Variants in ERAP1 observed in about 807,000 individuals in gnomAD.
ERAP1 encodes the protein endoplasmic reticulum aminopeptidase 1.
Under a neutral mutation model 103.7 loss-of-function variants are expected in ERAP1, and 86 were observed. That is an observed-to-expected ratio of 0.83 (90% confidence interval 0.70 to 0.99). The LOEUF (loss-of-function observed/expected upper bound fraction) is 0.99, where lower values mean the gene tolerates loss of function less well. Among genes scored for constraint, ERAP1 ranks in the 50% least tolerant of loss-of-function variants. ERAP1 has a pLI of 0.00. For synonymous variants in ERAP1, 398 were observed against 402.4 expected, an observed-to-expected ratio of 0.99 and a Z score of 0.13; for missense variants, 1,009 against 1,128.4, an observed-to-expected ratio of 0.89 and a Z score of 1.52.
chr5:96,833,373 A>G, the ERAP1 span, among the ~76,000 whole-genome samples: 1 of 152,200 alleles, frequency 6.6e-6, no homozygotes, highest in Non-Finnish European at 1.5e-5. Context: ...GATCATATAA[A>G]TATTTCTCAA....
At chr5:96,861,553 A>C in the ERAP1 span, among the ~76,000 whole-genome samples, 4 of 152,344 alleles carry the variant, frequency 2.6e-5, no homozygotes, top group South Asian at 8.3e-4. Context: ...CAGAATTGGC[A>C]ATGTTTCCTC....
At chr5:96,908,183 C>T in the ERAP1 span, among the ~76,000 whole-genome samples, 3 of 152,156 alleles carry the variant, frequency 2.0e-5, no homozygotes, top group Non-Finnish European at 4.4e-5. Flanking sequence ...GTTTCCACAT[C>T]ACACGATTGT....
the ERAP1 span, among the ~76,000 whole-genome samples, chr5:96,867,957 C>A: frequency 6.6e-6 from 1 of 151,990 alleles, no homozygotes; most frequent in Non-Finnish European, 1.5e-5. Flanking sequence ...GCCTGTAATC[C>A]CAGCTACCTG....
At chr5:96,858,394 T>C in the ERAP1 span, among the ~76,000 whole-genome samples, 1 of 152,120 alleles carries the variant, frequency 6.6e-6, no homozygotes, top group African/African-American at 2.4e-5. Context: ...TTTGTATTTT[T>C]AGTAGAGACA....
chr5:96,912,859 C>A, the ERAP1 span: 1 of 1,407,978 alleles, frequency 7.1e-7, no homozygotes, highest in Non-Finnish European at 9.7e-7. Flanking sequence ...AGTGAAGTCA[C>A]TAAAACTTCA....
intron 19 of ERAP1, chr5:96,768,802 T>TA (rs1201357065): frequency 6.3e-6 from 1 of 159,336 alleles, no homozygotes; most frequent in Non-Finnish European, 1.4e-5. Context: ...ATCAGCTCCT[T>TA]AGGGAAGACT....
At chr5:96,802,409 C>G (rs152469) in intron 2 of ERAP1, among the ~76,000 whole-genome samples, 1 of 151,752 alleles carries the variant, frequency 6.6e-6, no homozygotes, top group Non-Finnish European at 1.5e-5. Flanking sequence ...ATATGCATAT[C>G]CAGAAAGAAG....
the ERAP1 span, among the ~76,000 whole-genome samples, chr5:96,858,278 T>C: frequency 6.6e-6 from 1 of 151,172 alleles, no homozygotes; most frequent in Admixed American, 6.6e-5. Flanking sequence ...GCAGTGGCGC[T>C]ATCTTGGCTC....
At chr5:96,932,250 C>A in the ERAP1 span, among the ~76,000 whole-genome samples, 1 of 152,158 alleles carries the variant, frequency 6.6e-6, no homozygotes, top group African/African-American at 2.4e-5. Context: ...GTCAGCCTTG[C>A]CCTGGCGGGA....
chr5:96,838,487 T>C, the ERAP1 span, among the ~76,000 whole-genome samples: 2 of 152,242 alleles, frequency 1.3e-5, no homozygotes, highest in African/African-American at 4.8e-5. Flanking sequence ...ATAGATATAA[T>C]AGTACATGCA....
chr5:96,878,977 C>T, the ERAP1 span, among the ~76,000 whole-genome samples: 1 of 152,002 alleles, frequency 6.6e-6, no homozygotes. Context: ...CAGTGGCTCA[C>T]GCTTGTAATC....
the ERAP1 span, among the ~76,000 whole-genome samples, chr5:96,862,335 A>C: frequency 1.3e-5 from 2 of 152,212 alleles, no homozygotes; most frequent in Non-Finnish European, 2.9e-5. Flanking sequence ...TTTAGTGGAC[A>C]AGACATTGCT....
In ERAP1 at chr5:96,766,173, A is replaced by G. The variant is rs374455819; in HGVS notation, c.2819-2945T>C. ...AAACTGAGGCAAATTGCTAGATCGGATTTATGCTACCAAGATCTTTAAATT... is the reference window on the plus strand; with the variant it reads ...AAACTGAGGCAAATTGCTAGATCGGGTTTATGCTACCAAGATCTTTAAATT... On this transcript the variant is annotated intron_variant, in intron 19 of 19. Coordinates refer to the ERAP1 transcript ENST00000296754. 99 of 1,229,844 alleles carry G rather than the reference A, an allele frequency of 8.0e-5. No homozygotes were observed. The African/African-American group carries it at 1.3e-3, about 16-fold the overall frequency. The allele number at this position is 1,229,844 out of a possible 1,614,324, so 76.2% of individuals were successfully genotyped here. A position where few individuals can be genotyped will look rare whatever the true frequency, so the allele number is the denominator to read the frequency against.
At chr5:96,866,284 T>A in the ERAP1 span, among the ~76,000 whole-genome samples, 1 of 152,226 alleles carries the variant, frequency 6.6e-6, no homozygotes, top group South Asian at 2.1e-4. Flanking sequence ...AATTAATGTG[T>A]GTACAAGCTG....
chr5:96,764,719 A>G (rs1769220711), intron 19 of ERAP1, among the ~76,000 whole-genome samples: 1 of 152,204 alleles, frequency 6.6e-6, no homozygotes, highest in South Asian at 2.1e-4. Context: ...AGAGTTTTAG[A>G]GAGGACCCAC....
the ERAP1 span, among the ~76,000 whole-genome samples, chr5:96,832,165 AGAAAC>A: frequency 6.6e-6 from 1 of 152,210 alleles, no homozygotes; most frequent in East Asian, 1.9e-4. Flanking sequence ...AATTAGGTAC[AGAAAC>A]AGACTCACTA....
chr5:96,793,744 C>T (rs1477102287), intron 6 of ERAP1, 59 bp downstream of exon 6: 5 of 1,417,404 alleles, frequency 3.5e-6, no homozygotes, highest in Non-Finnish European at 4.9e-6. Context: ...CCTTATATGT[C>T]CCATAGAAGC....
chr5:96,788,817 T>C (rs575600323), intron 10 of ERAP1, 132 bp from the exon 11 acceptor site: 176 of 1,084,496 alleles, frequency 1.6e-4, no homozygotes, highest in Non-Finnish European at 2.2e-4. Flanking sequence ...TTCTGATCCC[T>C]TTCTCAGTGT....
the ERAP1 span, among the ~76,000 whole-genome samples, chr5:96,910,714 C>A: frequency 1.4e-4 from 21 of 152,134 alleles, no homozygotes; most frequent in South Asian, 4.1e-4. Flanking sequence ...TGCTCACAAT[C>A]AAAAATATGT....
Sources: allele counts gnomAD v4.1 joint callset (sites outside exome capture counted in the v4.1 genomes callset), GRCh38; gene constraint gnomAD v4.1.1; transcripts MANE v1.5; gene names NCBI Gene and HGNC (gene_info 2026-07-23, HGNC 2026-07-21).